Variants in EVL observed in about 807,000 individuals in gnomAD.
The protein encoded by EVL is ena/VASP-like protein.
EVL carries 21 observed loss-of-function variants against 59.6 expected under a neutral mutation model. The observed-to-expected ratio is 0.35, with a 90% CI of 0.25 to 0.51. EVL has a LOEUF of 0.51. EVL is among the 20% of genes least tolerant of loss of function. EVL has a pLI of 0.97. For missense variants in EVL, 462 were observed against 546.6 expected (o/e 0.85, Z 1.54); for synonymous variants, 198 against 203.5 (o/e 0.97, Z 0.23).
intron 1 of EVL, among the ~76,000 whole-genome samples, chr14:99,977,874 T>A (rs1375870982): frequency 6.6e-6 from 1 of 151,680 alleles, no homozygotes; most frequent in Non-Finnish European, 1.5e-5. Context: ...GGCAGGCAGA[T>A]CACCTGAGGT....
chr14:100,029,127 G>A (rs1178873732), intron 1 of EVL, among the ~76,000 whole-genome samples: 1 of 152,196 alleles, frequency 6.6e-6, no homozygotes, highest in African/African-American at 2.4e-5. Flanking sequence ...TTTTAAAACA[G>A]TTTCTGTTAT....
intron 1 of EVL, among the ~76,000 whole-genome samples, chr14:100,045,894 A>G (rs2061538800): frequency 6.6e-6 from 1 of 152,110 alleles, no homozygotes; most frequent in South Asian, 2.1e-4. Flanking sequence ...AGTCTTGACA[A>G]CTTTTTCCTC....
upstream of EVL, among the ~76,000 whole-genome samples, chr14:100,064,600 C>T (rs1010021464): frequency 6.6e-6 from 1 of 152,158 alleles, no homozygotes; most frequent in Non-Finnish European, 1.5e-5. Flanking sequence ...AAATTTTGTT[C>T]CAGAGTCAAA....
At chr14:100,036,685 C>T (rs1005582213) in intron 1 of EVL, among the ~76,000 whole-genome samples, 4 of 152,124 alleles carry the variant, frequency 2.6e-5, no homozygotes, top group African/African-American at 7.2e-5. Flanking sequence ...ATCATTTTAC[C>T]TCCAAAGGAG....
At chr14:100,110,781 G>T (rs969555718) in intron 3 of EVL, among the ~76,000 whole-genome samples, 1 of 152,186 alleles carries the variant, frequency 6.6e-6, no homozygotes, top group African/African-American at 2.4e-5. Flanking sequence ...GAGAAGAGAG[G>T]TCTCCTCCTT....
At chr14:100,101,662 T>G (rs1207291519) in intron 3 of EVL, among the ~76,000 whole-genome samples, 2 of 152,112 alleles carry the variant, frequency 1.3e-5, no homozygotes, top group African/African-American at 4.8e-5. Context: ...AAGTAAAAAT[T>G]AGAAAATAAA....
chr14:99,997,241 C>T (rs2060919551), intron 1 of EVL, among the ~76,000 whole-genome samples: 1 of 152,126 alleles, frequency 6.6e-6, no homozygotes. Flanking sequence ...AATGTAAATG[C>T]CCAGCTTCTC....
chr14:100,019,462 CT>C, intron 1 of EVL: 1 of 541,578 alleles, frequency 1.8e-6, no homozygotes, highest in Admixed American at 3.7e-5. Context: ...GCTGCCTCCC[CT>C]GTTAGCTGCC....
intron 1 of EVL, among the ~76,000 whole-genome samples, chr14:100,000,689 A>G (rs2060941216): frequency 6.6e-6 from 1 of 152,116 alleles, no homozygotes; most frequent in Non-Finnish European, 1.5e-5. Flanking sequence ...TCAGGTATGC[A>G]TTTATCTCAG....
chr14:100,005,552 C>A (rs1472831729), intron 1 of EVL, among the ~76,000 whole-genome samples: 1 of 149,776 alleles, frequency 6.7e-6, no homozygotes, highest in Non-Finnish European at 1.5e-5. Flanking sequence ...AGAATTCAAT[C>A]AACTGAGAAG....
rs1888395770 is a variant in EVL, at chr14:100,130,919, T to C, written c.839+1235T>C. 6.6e-6 allele frequency among the ~76,000 whole-genome samples: 1 copy of C among 152,136 alleles called. No individual in the cohort carries two copies. Among genetic ancestry groups the C allele is most frequent in the African/African-American group, 2.4e-5 (1 of 41,432 alleles). ...TTTCCTGTGAGAGTAAGTCCAGGTG[T>C]GTGGGGCTTACAGTGGCCACACAAA... is the stretch of plus-strand genomic sequence containing the variant. On this transcript the variant is annotated intron_variant, in intron 7 of 13. Transcript: ENST00000392920. This position sits in a 1 kb window ranked among gnomAD's most constrained non-coding sequence, Gnocchi z 4.8.
intron 1 of EVL, among the ~76,000 whole-genome samples, chr14:100,058,226 G>A (rs2061765357): frequency 6.6e-6 from 1 of 152,158 alleles, no homozygotes. Flanking sequence ...GCCTTCTCTT[G>A]GAGTCTGGAC....
At chr14:99,979,096 G>A (rs1200500478) in intron 1 of EVL, among the ~76,000 whole-genome samples, 4 of 151,480 alleles carry the variant, frequency 2.6e-5, no homozygotes, top group Admixed American at 2.0e-4. Context: ...GCTTACTGTT[G>A]TCTGGTACTG....
chr14:100,014,142 A>T (rs189708762), intron 1 of EVL, among the ~76,000 whole-genome samples: 486 of 152,116 alleles, frequency 3.2e-3, no homozygotes, highest in Non-Finnish European at 4.6e-3. Context: ...ATTCATTCTA[A>T]CTCTATTTTA....
At chr14:100,123,508 C>T in intron 3 of EVL, 31 bp from the exon 4 acceptor site, 3 of 1,612,622 alleles carry the variant, frequency 1.9e-6, no homozygotes, top group Non-Finnish European at 2.5e-6. Flanking sequence ...CTTCCTCTAA[C>T]CACACTGTTT....
intron 1 of EVL, among the ~76,000 whole-genome samples, chr14:100,083,370 CTA>C (rs1567006571): frequency 6.6e-6 from 1 of 151,860 alleles, no homozygotes; most frequent in Non-Finnish European, 1.5e-5. Context: ...ACAGTTTACT[CTA>C]TCTTTTTTTT....
chr14:100,037,954 G>A (rs756877052), intron 1 of EVL, among the ~76,000 whole-genome samples: 5 of 152,298 alleles, frequency 3.3e-5, no homozygotes, highest in Middle Eastern at 6.8e-3. Context: ...CTTTCAGCAA[G>A]TTAGAAATTA....
chr14:100,104,841 CA>C (rs1261185947), intron 3 of EVL, among the ~76,000 whole-genome samples: 1 of 149,592 alleles, frequency 6.7e-6, no homozygotes, highest in Non-Finnish European at 1.5e-5. Flanking sequence ...GCTGCAGTCA[CA>C]AGTGAATTTA....
At chr14:99,984,052 C>T (rs919537102) in intron 1 of EVL, among the ~76,000 whole-genome samples, 3 of 152,202 alleles carry the variant, frequency 2.0e-5, no homozygotes. Context: ...GACACTGCCA[C>T]CTGTACCTAA....
Sources: gnomAD v4.1 joint callset for allele counts (sites outside exome capture counted in the v4.1 genomes callset) on GRCh38, gnomAD v4.1.1 for gene constraint, Gnocchi (gnomAD v3.1) non-coding constraint, MANE v1.5 for transcripts, NCBI Gene and HGNC (gene_info 2026-07-23, HGNC 2026-07-21) for gene names.